The following RTN4RL1 variants were observed in gnomAD, a reference collection of about 807,000 sequenced individuals.
RTN4RL1 encodes the protein reticulon-4 receptor-like 1.
Under a neutral mutation model 25.6 loss-of-function variants are expected in RTN4RL1, and 7 were observed. That is an observed-to-expected ratio of 0.27 (90% CI 0.16 to 0.51). RTN4RL1 has a LOEUF of 0.51. Ranked by LOEUF, RTN4RL1 falls within the 20% of genes least tolerant of loss-of-function variation. The probability of loss-of-function intolerance (pLI) is 0.97; values close to 1 mark genes in which losing one functional copy is unlikely to be tolerated. For missense variants in RTN4RL1, 500 were observed against 615.6 expected (o/e 0.81, Z 1.99); for synonymous variants, 297 against 288.2 (o/e 1.03, Z -0.31).
Position 1,936,744 on chromosome 17 carries a change from T to C in RTN4RL1, c.1078A>G (p.Arg360Gly). ...RKPGKNCTNP[R>G]NRNQISKAGA... ...GCCTTAGAGATCTGATTGCGGTTCC[T>C]GGGGTTGGTGCAGTTCTTCCCCGGC... is the stretch of plus-strand genomic sequence containing the variant. The change falls in exon 2 of 2, where the codon AGG becomes GGG. Residue 360 changes from arginine (R) to glycine (G), a missense_variant. Arg to Gly is a moderately radical substitution (Grantham distance 125). This residue lies in a region of RTN4RL1 where 268 missense variants were observed against 274.5 expected (regional missense o/e 0.98). Coordinates refer to ENST00000331238, the MANE Select transcript of RTN4RL1 (RefSeq NM_178568.4). 6.3e-7 allele frequency: 1 copy of C among 1,596,588 alleles called. No homozygotes were observed. Among genetic ancestry groups the C allele is most frequent in the Non-Finnish European group, 8.5e-7 (1 of 1,173,158 alleles).
At chr17:1,967,796 C>T (rs1000551484) in intron 1 of RTN4RL1, among the ~76,000 whole-genome samples, 1 of 152,160 alleles carries the variant, frequency 6.6e-6, no homozygotes, top group Non-Finnish European at 1.5e-5. Context: ...CCTGCCACCA[C>T]GCATGGATAA....
chr17:1,990,661 A>G (rs2066904836), intron 1 of RTN4RL1, among the ~76,000 whole-genome samples: 1 of 152,126 alleles, frequency 6.6e-6, no homozygotes, highest in Non-Finnish European at 1.5e-5. Context: ...TGATGACACC[A>G]CTGCACTCCA....
At chr17:1,969,753 C>T (rs754702989) in intron 1 of RTN4RL1, among the ~76,000 whole-genome samples, 6 of 152,204 alleles carry the variant, frequency 3.9e-5, no homozygotes, top group Admixed American at 1.3e-4. Flanking sequence ...ACATGTGTAA[C>T]AAACCACTCT....
rs1010718590 is a variant in RTN4RL1 at position 2,025,330 on chromosome 17, C to G, written c.-465G>C. ...CCCGGCGCGCGTTTGCAGGACCGAG[C>G]GATCGGCGGAGCGGGGCGCCTCCCT... On this transcript the variant is annotated 5_prime_UTR_variant, in exon 1 of 2. Transcript: ENST00000331238. This position sits in a 1 kb window ranked among gnomAD's most constrained non-coding sequence, Gnocchi z 4.8. 1 of 153,356 alleles carries G rather than the reference C, an allele frequency of 6.5e-6. No homozygotes were observed. Among genetic ancestry groups the G allele is most frequent in the East Asian group, 1.9e-4 (1 of 5,240 alleles). The allele number at this position is 153,356 out of a possible 1,614,324, so 9.5% of individuals were successfully genotyped here.
chr17:1,972,692 G>C (rs1200647302), intron 1 of RTN4RL1, among the ~76,000 whole-genome samples: 1 of 152,132 alleles, frequency 6.6e-6, no homozygotes. Flanking sequence ...TGAACTTCCC[G>C]ACTCAGCCGC....
At chr17:1,970,068 CTGGAGTGCAA>C (rs1479396647) in intron 1 of RTN4RL1, among the ~76,000 whole-genome samples, 1 of 146,586 alleles carries the variant, frequency 6.8e-6, no homozygotes, top group Non-Finnish European at 1.5e-5. Flanking sequence ...GTCGTCTAGG[CTGGAGTGCAA>C]TGGCGCAATC....
At chr17:1,977,868 G>A (rs1433327221) in intron 1 of RTN4RL1, among the ~76,000 whole-genome samples, 5 of 151,822 alleles carry the variant, frequency 3.3e-5, no homozygotes, top group Non-Finnish European at 7.4e-5. Context: ...AGCCGGGGTC[G>A]GGGGCGCATC....
At chr17:2,013,006 C>G (rs2067069400) in intron 1 of RTN4RL1, among the ~76,000 whole-genome samples, 1 of 152,164 alleles carries the variant, frequency 6.6e-6, no homozygotes, top group Non-Finnish European at 1.5e-5. Flanking sequence ...GTTGACCAGG[C>G]TAGTCTCGAA....
intron 1 of RTN4RL1, among the ~76,000 whole-genome samples, chr17:1,976,267 T>TC (rs1250477730): frequency 1.3e-5 from 2 of 152,150 alleles, no homozygotes; most frequent in African/African-American, 4.8e-5. Context: ...CCAGGGGTCT[T>TC]CACTCAACCC....
chr17:2,016,677 T>C (rs778650109), intron 1 of RTN4RL1, among the ~76,000 whole-genome samples: 32 of 152,212 alleles, frequency 2.1e-4, no homozygotes, highest in Non-Finnish European at 4.1e-4. Flanking sequence ...GCGTGTGGCA[T>C]GCGGCACATG....
rs2066938081 is a variant in RTN4RL1, at chr17:1,998,114, G to A, written c.13+26739C>T. 6.6e-6 allele frequency among the ~76,000 whole-genome samples: 1 copy of A among 152,202 alleles called. No homozygotes were observed. Among genetic ancestry groups the A allele is most frequent in the Non-Finnish European group, 1.5e-5 (1 of 68,018 alleles). On this transcript the variant is annotated intron_variant, in intron 1 of 1. Transcript: ENST00000331238. This position sits in a 1 kb window ranked among gnomAD's most constrained non-coding sequence, Gnocchi z 4.9. ...TACCGAGGGAGAGCTGCCGGGGCTG[G>A]CAGGGGAGCCAGACGGCGGCGGAGG... is the stretch of plus-strand genomic sequence containing the variant.
intron 1 of RTN4RL1, among the ~76,000 whole-genome samples, chr17:2,021,371 G>A (rs547321672): frequency 6.6e-6 from 1 of 152,056 alleles, no homozygotes; most frequent in Non-Finnish European, 1.5e-5. Context: ...AGAAAGATGA[G>A]GGGTTTTTTC....
chr17:1,946,721 CTG>C (rs1218041463), intron 1 of RTN4RL1, among the ~76,000 whole-genome samples: 3 of 133,040 alleles, frequency 2.3e-5, no homozygotes, highest in East Asian at 2.3e-4. Flanking sequence ...GTGTGTGTCT[CTG>C]TGTGAATATG....
At chr17:2,002,406 C>T (rs1021028642) in intron 1 of RTN4RL1, among the ~76,000 whole-genome samples, 1 of 151,168 alleles carries the variant, frequency 6.6e-6, no homozygotes, top group Admixed American at 6.6e-5. Flanking sequence ...CATTCTCCTG[C>T]CTCAGCCTCC....
In RTN4RL1 at chr17:2,012,824, C is replaced by T. The variant is rs1265097905; in HGVS notation, c.13+12029G>A. On this transcript the variant is annotated intron_variant, in intron 1 of 1. Transcript: ENST00000331238. ...TTTTTTTTTTTCTGAGTTGGAGTCT[C>T]GCTCTGTCACCCAGGCTGGAGTGAA... 2.0e-5 allele frequency among the ~76,000 whole-genome samples: 3 copies of T among 149,364 alleles called. No homozygotes were observed. In the East Asian group the frequency reaches 5.9e-4, roughly 29 times the overall value.
intron 1 of RTN4RL1, among the ~76,000 whole-genome samples, chr17:2,021,987 T>G (rs1475951653): frequency 3.3e-5 from 5 of 150,056 alleles, no homozygotes; most frequent in African/African-American, 1.2e-4. Context: ...GCCTCTCAAG[T>G]AGCTGGGACC....
rs1327457813 is a variant in RTN4RL1, at chr17:1,937,110, C to T, written c.712G>A (p.Gly238Ser). ...GCCCCCAGCGGGGCCAGGCACTCAC[C>T]CTGCAGCTCCGAGAGGCTGTTGTTG... ...LFNNSLSELQ[G>S]ECLAPLGALE... Residue 238 changes from glycine (G) to serine (S), a missense_variant, in exon 2 of 2, where the codon GGT becomes AGT. By Grantham distance (56) the Gly-to-Ser change is moderately conservative. Transcript: ENST00000331238. 6.2e-7 allele frequency: 1 copy of T among 1,608,872 alleles called. No individual in the cohort carries two copies. Among genetic ancestry groups the T allele is most frequent in the Non-Finnish European group, 8.5e-7 (1 of 1,178,360 alleles).
chr17:1,949,984 G>A (rs2151306986), intron 1 of RTN4RL1, among the ~76,000 whole-genome samples: 1 of 152,370 alleles, frequency 6.6e-6, no homozygotes, highest in South Asian at 2.1e-4. Context: ...TTGGACAAGG[G>A]CAGAGGGGCA....
intron 1 of RTN4RL1, among the ~76,000 whole-genome samples, chr17:2,017,104 C>T (rs975659925): frequency 1.3e-5 from 2 of 152,200 alleles, no homozygotes; most frequent in African/African-American, 4.8e-5. Context: ...CCCCCCAGGG[C>T]CTCATGAATC....
Sources: allele counts gnomAD v4.1 joint callset (sites outside exome capture counted in the v4.1 genomes callset), GRCh38; gene constraint gnomAD v4.1.1; regional missense constraint gnomAD v4.1.1; non-coding constraint Gnocchi (gnomAD v3.1); transcripts MANE v1.5; gene names NCBI Gene and HGNC (gene_info 2026-07-23, HGNC 2026-07-21).